SLCO1B3: variants seen among roughly 807,000 people sequenced by gnomAD.
SLCO1B3 encodes liver-specific organic anion transporter 2.
In SLCO1B3, 72 loss-of-function variants were observed where a neutral mutation model predicts 71.8. That is an observed-to-expected ratio of 1.00 (90% CI 0.83 to 1.22). SLCO1B3 has a LOEUF of 1.22. SLCO1B3 is among the 50% of genes most tolerant of loss of function. The pLI, the probability that SLCO1B3 is intolerant of heterozygous loss-of-function variation, is 0.00. For synonymous variants in SLCO1B3, 298 were observed against 278.4 expected, an observed-to-expected ratio of 1.07 and a Z score of -0.70; for missense variants, 911 against 819.7, an observed-to-expected ratio of 1.11 and a Z score of -1.36.
chr12:20,906,977 A>G (rs1291083914), intron 15 of SLCO1B3, among the ~76,000 whole-genome samples: 1 of 151,876 alleles, frequency 6.6e-6, no homozygotes, highest in African/African-American at 2.4e-5. Flanking sequence ...TATCAATTAA[A>G]TTAATAATGT....
At chr12:20,819,636 G>A (rs970487305) in intron 3 of SLCO1B3, among the ~76,000 whole-genome samples, 7 of 152,164 alleles carry the variant, frequency 4.6e-5, no homozygotes, top group African/African-American at 1.7e-4. Context: ...GGCTTGTCTG[G>A]TTTTAGGACA....
At chr12:20,900,814 G>A (rs549692463) in intron 14 of SLCO1B3, among the ~76,000 whole-genome samples, 8 of 152,302 alleles carry the variant, frequency 5.3e-5, no homozygotes, top group South Asian at 2.1e-4. Flanking sequence ...GGAGCACCCC[G>A]TGAAGCTGGG....
intron 15 of SLCO1B3, among the ~76,000 whole-genome samples, chr12:20,912,811 T>G (rs1866412057): frequency 6.9e-6 from 1 of 145,944 alleles, no homozygotes; most frequent in Non-Finnish European, 1.5e-5. Flanking sequence ...TGTGAGCCAC[T>G]GCGCCCAGCC....
intron 8 of SLCO1B3, among the ~76,000 whole-genome samples, chr12:20,871,977 C>T (rs1367298497): frequency 2.6e-5 from 4 of 152,176 alleles, no homozygotes; most frequent in Admixed American, 2.0e-4. Flanking sequence ...CAGTGAGTTC[C>T]TCTAGGCCTC....
intron 10 of SLCO1B3, among the ~76,000 whole-genome samples, chr12:20,878,616 A>G (rs1416564264): frequency 6.6e-6 from 1 of 152,146 alleles, no homozygotes; most frequent in African/African-American, 2.4e-5. Flanking sequence ...TAGGAAAGTA[A>G]TAATTAGAAA....
intron 3 of SLCO1B3, among the ~76,000 whole-genome samples, chr12:20,843,688 G>A (rs1864848006): frequency 6.6e-6 from 1 of 151,974 alleles, no homozygotes; most frequent in Admixed American, 6.6e-5. Flanking sequence ...GGCTGAGGCA[G>A]GAGAATGGCA....
intron 3 of SLCO1B3, among the ~76,000 whole-genome samples, chr12:20,833,871 A>T (rs1167851750): frequency 7.2e-6 from 1 of 138,178 alleles, no homozygotes; most frequent in African/African-American, 2.5e-5. Context: ...TATATACTAT[A>T]TATAGTGTAT....
intron 15 of SLCO1B3, among the ~76,000 whole-genome samples, chr12:20,902,571 A>G (rs1214724844): frequency 6.6e-6 from 1 of 152,174 alleles, no homozygotes; most frequent in Non-Finnish European, 1.5e-5. Flanking sequence ...GAGTGAGAGG[A>G]GGGTGAAGAA....
At position 20,906,626 on chromosome 12, in the gene SLCO1B3, A is replaced by G. The variant is rs1324058525; in HGVS notation, c.1865+5159A>G. On this transcript the variant is annotated intron_variant, in intron 15 of 15. Coordinates refer to ENST00000381545, the MANE Select transcript of SLCO1B3 (RefSeq NM_019844.4). ...CCATACAGTTTTCTGGTAAAACTAA[A>G]ATTGCTATAAAATATAAAGACAAAA... Among the ~76,000 whole-genome samples, 4 of 152,190 alleles carry G rather than the reference A, an allele frequency of 2.6e-5. No homozygotes were observed. In the East Asian group the frequency reaches 7.7e-4, roughly 29 times the overall value.
chr12:20,841,009 A>G (rs1188468997), intron 3 of SLCO1B3, among the ~76,000 whole-genome samples: 1 of 152,160 alleles, frequency 6.6e-6, no homozygotes, highest in African/African-American at 2.4e-5. Flanking sequence ...GGGTCCTTGA[A>G]TTGGTCCCCC....
chr12:20,852,576 T>G (rs1257235741), intron 3 of SLCO1B3, among the ~76,000 whole-genome samples: 2 of 152,230 alleles, frequency 1.3e-5, no homozygotes, highest in African/African-American at 4.8e-5. Context: ...TTCCAATCTA[T>G]GAGAATTGAA....
At chr12:20,814,853 C>T (rs752290338) in intron 2 of SLCO1B3, among the ~76,000 whole-genome samples, 20 of 150,808 alleles carry the variant, frequency 1.3e-4, no homozygotes, top group African/African-American at 4.1e-4. Flanking sequence ...GCCGAGATCA[C>T]GCTACTGCCC....
At chr12:20,871,912 G>A (rs1865482853) in intron 8 of SLCO1B3, among the ~76,000 whole-genome samples, 1 of 152,100 alleles carries the variant, frequency 6.6e-6, no homozygotes, top group East Asian at 1.9e-4. Context: ...AAGATCAAGG[G>A]CTCTACAATC....
chr12:20,904,274 TG>T (rs1866189059), intron 15 of SLCO1B3, among the ~76,000 whole-genome samples: 1 of 149,956 alleles, frequency 6.7e-6, no homozygotes, highest in African/African-American at 2.5e-5. Flanking sequence ...CAAGATACAA[TG>T]GGGGTACAGG....
At chr12:20,848,158 A>G (rs1038485050) in intron 3 of SLCO1B3, among the ~76,000 whole-genome samples, 2 of 152,210 alleles carry the variant, frequency 1.3e-5, no homozygotes, top group South Asian at 2.1e-4. Context: ...AAAACAGCCA[A>G]TTATAAAATG....
intron 8 of SLCO1B3, among the ~76,000 whole-genome samples, chr12:20,872,854 G>C (rs139857019): frequency 0.011 from 1,745 of 152,194 alleles, 18 homozygotes; most frequent in Non-Finnish European, 0.02. Context: ...ACTCTTCATG[G>C]ACTGGCCTTA....
At chr12:20,817,147 G>A (rs542160373) in intron 3 of SLCO1B3, among the ~76,000 whole-genome samples, 2 of 152,094 alleles carry the variant, frequency 1.3e-5, no homozygotes, top group Non-Finnish European at 2.9e-5. Flanking sequence ...CCTACTCTGT[G>A]GGTTGTCTCT....
intron 3 of SLCO1B3, among the ~76,000 whole-genome samples, chr12:20,848,118 C>A (rs1864952754): frequency 1.3e-5 from 1 of 78,840 alleles, no homozygotes; most frequent in African/African-American, 2.9e-5. Context: ...TATTCAAAAT[C>A]TACAAAGAAC....
At chr12:20,869,208 A>G (rs1190370999) in intron 8 of SLCO1B3, among the ~76,000 whole-genome samples, 4 of 152,168 alleles carry the variant, frequency 2.6e-5, no homozygotes, top group Non-Finnish European at 4.4e-5. Flanking sequence ...TGCTACCGCT[A>G]GACTGTGGTC....
Sources: gnomAD v4.1 joint callset for allele counts (sites outside exome capture counted in the v4.1 genomes callset) on GRCh38, gnomAD v4.1.1 for gene constraint, MANE v1.5 for transcripts, NCBI Gene and HGNC (gene_info 2026-07-23, HGNC 2026-07-21) for gene names.